The following LBH variants were observed in gnomAD, a reference collection of about 807,000 sequenced individuals.
LBH encodes the protein protein LBH.
A neutral mutation model predicts 12.5 loss-of-function variants in LBH; 7 were observed. That is an observed-to-expected ratio of 0.56 (90% CI 0.32 to 1.05). The LOEUF is 1.05. Among genes scored for constraint, LBH ranks in the 50% least tolerant of loss-of-function variants. LBH has a pLI of 0.04. For missense variants in LBH, 119 were observed against 138.9 expected, an observed-to-expected ratio of 0.86 and a Z score of 0.72; for synonymous variants, 51 against 50.1, an observed-to-expected ratio of 1.02 and a Z score of -0.08.
intron 2 of LBH, among the ~76,000 whole-genome samples, chr2:30,237,766 C>T (rs1156279087): frequency 1.3e-5 from 2 of 152,182 alleles, no homozygotes; most frequent in African/African-American, 2.4e-5. Flanking sequence ...TTTGTAGTAA[C>T]ATTCATTTGG....
At position 30,258,490 on chromosome 2, in the gene LBH, G is replaced by T. The variant is rs1678125444; in HGVS notation, c.*869G>T. 6.6e-6 allele frequency: 1 copy of T among 152,304 alleles called. No homozygotes were observed. Among genetic ancestry groups the T allele is most frequent in the Non-Finnish European group, 1.5e-5 (1 of 68,102 alleles). The allele number at this position is 152,304 out of a possible 1,614,324, so 9.4% of individuals were successfully genotyped here. A position where few individuals can be genotyped will look rare whatever the true frequency, so the allele number is the denominator to read the frequency against. On this transcript the variant is annotated 3_prime_UTR_variant, in exon 3 of 3. Coordinates refer to ENST00000395323, the MANE Select transcript of LBH (RefSeq NM_030915.4). ...CCCAGGGTGGACACTCAGCACGAAG[G>T]TCTCTCCCTTAACTGCTGCCCTTCC...
At chr2:30,241,712 C>G (rs116455620) in intron 2 of LBH, among the ~76,000 whole-genome samples, 27,610 of 152,148 alleles carry the variant, frequency 0.18, 3,234 homozygotes, top group Admixed American at 0.27. Context: ...ATCCTCCCCC[C>G]TCAGCCTCCC....
In LBH at chr2:30,257,593, A is replaced by G. The variant is rs1678108068; in HGVS notation, c.290A>G (p.Glu97Gly). 6.2e-7 allele frequency: 1 copy of G among 1,613,290 alleles called. No individual in the cohort carries two copies. The highest frequency in any genetic ancestry group is 8.5e-7 in the Non-Finnish European group (1 of 1,179,608). ...GAGGATGAGCAAGATAACTGCGAAG[A>G]GACAGCGAAAGAAAATAAAGAGCAG... is the stretch of plus-strand genomic sequence containing the variant. ...VQEDEQDNCE[E>G]TAKENKEQ Residue 97 changes from glutamate to glycine, a missense_variant, in exon 3 of 3, where the codon GAG (glutamate) becomes GGG (glycine). Coordinates refer to ENST00000395323, the MANE Select transcript of LBH (RefSeq NM_030915.4).
chr2:30,257,605 A>C lies in LBH; in HGVS notation c.302A>C (p.Glu101Ala). ...GATAACTGCGAAGAGACAGCGAAAGAAAATAAAGAGCAGTAGAGTCCCTGT... is the reference window on the plus strand; with the variant it reads ...GATAACTGCGAAGAGACAGCGAAAGCAAATAAAGAGCAGTAGAGTCCCTGT... ...EQDNCEETAK[E>A]NKEQ Residue 101 changes from glutamate (E) to alanine (A), a missense_variant, in exon 3 of 3, where the codon GAA becomes GCA. Transcript: ENST00000395323. 1 of 1,612,648 alleles carries C rather than the reference A, an allele frequency of 6.2e-7. No individual in the cohort carries two copies. Among genetic ancestry groups the C allele is most frequent in the Non-Finnish European group, 8.5e-7 (1 of 1,179,248 alleles).
rs780489707 is a variant in LBH, at chr2:30,257,623, G to C, written c.*2G>C. 1 of 1,602,576 alleles carries C rather than the reference G, an allele frequency of 6.2e-7. No homozygotes were observed. Among genetic ancestry groups the C allele is most frequent in the Non-Finnish European group, 8.5e-7 (1 of 1,173,436 alleles). On this transcript the variant is annotated 3_prime_UTR_variant, in exon 3 of 3. Coordinates refer to ENST00000395323, the MANE Select transcript of LBH (RefSeq NM_030915.4). Reference sequence around the variant, plus strand: ...GCGAAAGAAAATAAAGAGCAGTAGAGTCCCTGTGGACTCCCATGGGTCATA... The same window carrying C: ...GCGAAAGAAAATAAAGAGCAGTAGACTCCCTGTGGACTCCCATGGGTCATA...
intron 2 of LBH, among the ~76,000 whole-genome samples, chr2:30,254,585 G>GTCCTCTTCCTCCTCTCTTCCTCCTCC (rs1678047069): frequency 6.8e-6 from 1 of 146,688 alleles, no homozygotes; most frequent in Non-Finnish European, 1.5e-5. Flanking sequence ...CCTCCTCTTC[G>GTCCTCTTCCTCCTCTCTTCCTCCTCC]TCCTCTTCCT....
At chr2:30,231,928 G>A (rs1347390969) in intron 1 of LBH, among the ~76,000 whole-genome samples, 164 bp downstream of exon 1, 1 of 132,942 alleles carries the variant, frequency 7.5e-6, no homozygotes, top group Admixed American at 7.6e-5. Context: ...AGGTTGCAAA[G>A]GTGGGGGTGG....
intron 2 of LBH, 111 bp downstream of exon 2, chr2:30,234,618 G>A: frequency 1.4e-6 from 1 of 701,154 alleles, no homozygotes; most frequent in Non-Finnish European, 2.5e-6. Flanking sequence ...CTGTGGGACT[G>A]TGGCAGAGTC....
At chr2:30,237,157 C>T (rs974397550) in intron 2 of LBH, among the ~76,000 whole-genome samples, 1 of 152,202 alleles carries the variant, frequency 6.6e-6, no homozygotes, top group Non-Finnish European at 1.5e-5. Flanking sequence ...GGCATTCCTC[C>T]TAAGGATAAT....
chr2:30,232,356 A>C, intron 1 of LBH: 1 of 1,089,746 alleles, frequency 9.2e-7, no homozygotes, highest in Non-Finnish European at 1.2e-6. Flanking sequence ...ACCGACGCAC[A>C]TTGGTGGGGG....
At chr2:30,238,885 C>CTTTTTTTT (rs367954684) in intron 2 of LBH, among the ~76,000 whole-genome samples, 1 of 98,042 alleles carries the variant, frequency 1.0e-5, no homozygotes, top group African/African-American at 3.9e-5. Context: ...CCTCCCCACT[C>CTTTTTTTT]TTTTTTTTTT....
At position 30,233,434 on chromosome 2, in the gene LBH, T is replaced by C. The variant is rs573770929; in HGVS notation, c.27-971T>C. Among the ~76,000 whole-genome samples, 3 of 152,372 alleles carry C rather than the reference T, an allele frequency of 2.0e-5. No homozygotes were observed. The East Asian group carries it at 5.8e-4, about 29-fold the overall frequency. On this transcript the variant is annotated intron_variant, in intron 1 of 2. Transcript: ENST00000395323. ...GTAACCATACAATTGAAGAGGCATCTGGTACCCCTGTTTCCTTAGATACTG... is the reference window on the plus strand; with the variant it reads ...GTAACCATACAATTGAAGAGGCATCCGGTACCCCTGTTTCCTTAGATACTG...
Position 30,257,572 on chromosome 2 carries a change from A to G in LBH, c.269A>G (p.Asp90Gly). 3.1e-6 allele frequency: 5 copies of G among 1,614,088 alleles called. No homozygotes were observed. The highest frequency in any genetic ancestry group is 4.2e-6 in the Non-Finnish European group (5 of 1,179,992). Reference protein sequence around the residue: ...WPPEEFLVQEDEQDNCEETAK... With the variant: ...WPPEEFLVQEGEQDNCEETAK... Reference sequence around the variant, plus strand: ...CCTGAGGAGTTCCTGGTCCAGGAGGATGAGCAAGATAACTGCGAAGAGACA... The same window carrying G: ...CCTGAGGAGTTCCTGGTCCAGGAGGGTGAGCAAGATAACTGCGAAGAGACA... Residue 90 changes from aspartate (D) to glycine (G), a missense_variant, in exon 3 of 3, where the codon GAT (aspartate) becomes GGT (glycine). Transcript: ENST00000395323.
At chr2:30,252,840 G>A (rs1678008843) in intron 2 of LBH, among the ~76,000 whole-genome samples, 1 of 152,354 alleles carries the variant, frequency 6.6e-6, no homozygotes, top group Admixed American at 6.5e-5. Context: ...GGAAGGTGTA[G>A]GGCTGGGAGA....
At chr2:30,235,913 T>C (rs913023428) in intron 2 of LBH, among the ~76,000 whole-genome samples, 5 of 152,010 alleles carry the variant, frequency 3.3e-5, no homozygotes, top group African/African-American at 1.2e-4. Flanking sequence ...GGGAACTCTC[T>C]TTGCTACGTT....
intron 2 of LBH, among the ~76,000 whole-genome samples, chr2:30,251,444 G>T (rs148424508): frequency 1.6e-4 from 25 of 151,778 alleles, no homozygotes; most frequent in African/African-American, 5.3e-4. Flanking sequence ...AAAATGCCAC[G>T]GCCTGTTGGG....
intron 2 of LBH, among the ~76,000 whole-genome samples, chr2:30,256,034 G>A (rs1381098896): frequency 2.0e-5 from 3 of 152,218 alleles, no homozygotes; most frequent in South Asian, 4.1e-4. Flanking sequence ...TGGGAGCCCA[G>A]CATCCCAGAC....
intron 1 of LBH, 88 bp from the exon 2 acceptor site, chr2:30,234,317 C>A: frequency 2.0e-6 from 2 of 1,004,254 alleles, no homozygotes; most frequent in Non-Finnish European, 3.2e-6. Context: ...TCCAGACAGT[C>A]CCCTGATCCC....
chr2:30,241,448 TTTTC>T (rs1352448680), intron 2 of LBH, among the ~76,000 whole-genome samples: 2 of 149,246 alleles, frequency 1.3e-5, no homozygotes, highest in African/African-American at 2.4e-5. Flanking sequence ...TCTATTTTTA[TTTTC>T]TTTCTTTCTT....
Sources: allele counts gnomAD v4.1 joint callset (sites outside exome capture counted in the v4.1 genomes callset), GRCh38; gene constraint gnomAD v4.1.1; transcripts MANE v1.5; gene names NCBI Gene and HGNC (gene_info 2026-07-23, HGNC 2026-07-21).